The following LEKR1 variants were observed in gnomAD, a reference collection of about 807,000 sequenced individuals.
LEKR1 encodes leucine, glutamate and lysine rich 1, also known as protein LEKR1.
Under a neutral mutation model 72.4 loss-of-function variants are expected in LEKR1, and 59 were observed. The ratio of observed to expected loss-of-function variants is 0.82; its 90% CI spans 0.66 to 1.01. LEKR1 has a LOEUF of 1.01. Among genes scored for constraint, LEKR1 ranks in the 50% least tolerant of loss-of-function variants. The pLI, the probability that LEKR1 is intolerant of heterozygous loss-of-function variation, is 0.00. For synonymous variants in LEKR1, 257 were observed against 263.2 expected, an observed-to-expected ratio of 0.98 and a Z score of 0.23; for missense variants, 728 against 759.2, an observed-to-expected ratio of 0.96 and a Z score of 0.48.
In LEKR1 at chr3:156,852,809, C is replaced by T. The variant is rs1000084214; in HGVS notation, c.90C>T (p.Ser30=). The change falls in exon 3 of 13, where the codon AGC becomes AGT. Residue 30 remains serine, a synonymous_variant. Coordinates refer to ENST00000356539, the MANE Select transcript of LEKR1 (RefSeq NM_001004316.3). ...EEKVCKYCGV[S]YLILHEFKAM... ...AAGTTTGTAAGTACTGTGGAGTCAG[C>T]TATCTAATTCTTCATGAATTTAAGG... 2.0e-6 allele frequency: 3 copies of T among 1,534,526 alleles called. No homozygotes were observed. Among genetic ancestry groups the T allele is most frequent in the Non-Finnish European group, 2.6e-6 (3 of 1,145,450 alleles).
At chr3:156,899,269 C>CATGTATATATAT (rs1312063056) in intron 3 of LEKR1, among the ~76,000 whole-genome samples, 3 of 146,072 alleles carry the variant, frequency 2.1e-5, no homozygotes, top group Admixed American at 1.4e-4. Context: ...TATATATACA[C>CATGTATATATAT]ACATGTATAT....
chr3:156,987,836 T>C (rs1730831074), intron 7 of LEKR1, among the ~76,000 whole-genome samples: 1 of 152,156 alleles, frequency 6.6e-6, no homozygotes, highest in East Asian at 1.9e-4. Flanking sequence ...TTTTAATTAG[T>C]CTAGTAGGCC....
intron 5 of LEKR1, among the ~76,000 whole-genome samples, chr3:156,940,270 A>G (rs1201523665): frequency 6.6e-6 from 1 of 152,198 alleles, no homozygotes; most frequent in Non-Finnish European, 1.5e-5. Flanking sequence ...ACATGTATGC[A>G]TGTGTTCAGT....
At chr3:157,005,519 A>G (rs559733436) in intron 9 of LEKR1, among the ~76,000 whole-genome samples, 1 of 152,324 alleles carries the variant, frequency 6.6e-6, no homozygotes, top group African/African-American at 2.4e-5. Context: ...ACAGACCAAC[A>G]TTCCTAATGA....
chr3:156,835,210 C>T (rs1213109296), intron 2 of LEKR1, among the ~76,000 whole-genome samples: 1 of 152,182 alleles, frequency 6.6e-6, no homozygotes, highest in African/African-American at 2.4e-5. Flanking sequence ...GGATAGAGAA[C>T]TTATATTTTA....
intron 6 of LEKR1, among the ~76,000 whole-genome samples, chr3:156,956,801 AC>A (rs1727677261): frequency 6.6e-6 from 1 of 152,054 alleles, no homozygotes. Context: ...GTTAAAATCC[AC>A]ACCATGTAAA....
rs58950224 is a variant in LEKR1 at position 157,017,948 on chromosome 3, C to CAAAAAAAAAAAAAAA, written c.1203+6452_1203+6466dup. Reference sequence around the variant, plus strand: ...TGGGCCACAGAGCGAGACTCTGTCTCAAAAAAAAAAAAAAAAAAAAAAAAG... The same window carrying CAAAAAAAAAAAAAAA: ...TGGGCCACAGAGCGAGACTCTGTCTCAAAAAAAAAAAAAAAAAAAAAAAAAAAAAAAAAAAAAAAG... On this transcript the variant is annotated intron_variant, in intron 10 of 12. Transcript: ENST00000356539. Among the ~76,000 whole-genome samples, 60 of 82,950 alleles carry CAAAAAAAAAAAAAAA rather than the reference C, an allele frequency of 7.2e-4. 2 individuals carry two copies. The highest frequency in any genetic ancestry group is 3.8e-3 in the African/African-American group (53 of 13,790). 54.4% of individuals were successfully genotyped at this position (82,950 alleles called of 152,430 possible).
chr3:156,957,217 G>C lies in LEKR1; in HGVS notation c.745+14503G>C, dbSNP rs536852568. ...ATGCCAACATTTAGGACATTACGCA[G>C]ACTTTTAAAATGACAATATGACCAC... On this transcript the variant is annotated intron_variant, in intron 6 of 12. Coordinates refer to ENST00000356539, the MANE Select transcript of LEKR1 (RefSeq NM_001004316.3). Among the ~76,000 whole-genome samples, 23 of 152,056 alleles carry C rather than the reference G, an allele frequency of 1.5e-4. No homozygotes were observed. In the East Asian group the frequency reaches 3.9e-3, roughly 26 times the overall value.
At position 157,028,221 on chromosome 3, in the gene LEKR1, A is replaced by C. The variant is rs546912778; in HGVS notation, c.1487A>C (p.Glu496Ala). 3.1e-6 allele frequency: 5 copies of C among 1,613,328 alleles called. No homozygotes were observed. Among genetic ancestry groups the C allele is most frequent in the Non-Finnish European group, 4.2e-6 (5 of 1,179,472 alleles). ...YTEESNSKEK[E>A]IENLKNLVAE... is the part of the protein sequence containing the mutation. Reference sequence around the variant, plus strand: ...GAAGAATCTAATTCAAAGGAAAAAGAAATTGAAAATCTTAAAAATTTGGTT... The same window carrying C: ...GAAGAATCTAATTCAAAGGAAAAAGCAATTGAAAATCTTAAAAATTTGGTT... The change falls in exon 12 of 13, where the codon GAA becomes GCA. Residue 496 changes from glutamate to alanine, a missense_variant. Physicochemically the swap from Glu to Ala is moderately radical, Grantham distance 107. Transcript: ENST00000356539.
At chr3:156,846,921 T>A (rs1227519068) in intron 2 of LEKR1, among the ~76,000 whole-genome samples, 1 of 152,026 alleles carries the variant, frequency 6.6e-6, no homozygotes, top group Non-Finnish European at 1.5e-5. Flanking sequence ...CAAGCAACCC[T>A]CCCACCTCAG....
At chr3:156,943,730 C>T (rs1726438122) in intron 6 of LEKR1, among the ~76,000 whole-genome samples, 1 of 151,768 alleles carries the variant, frequency 6.6e-6, no homozygotes, top group Admixed American at 6.6e-5. Flanking sequence ...GGGCTCTGAA[C>T]CTCCTGTGTT....
intron 3 of LEKR1, among the ~76,000 whole-genome samples, chr3:156,907,140 A>C (rs1316508168): frequency 2.0e-5 from 3 of 152,056 alleles, no homozygotes; most frequent in South Asian, 4.1e-4. Flanking sequence ...CATTGTAAAT[A>C]ATCTAAATAA....
At chr3:157,006,326 A>G (rs552216785) in intron 9 of LEKR1, among the ~76,000 whole-genome samples, 2 of 152,352 alleles carry the variant, frequency 1.3e-5, no homozygotes, top group African/African-American at 4.8e-5. Flanking sequence ...TTTTTAGAAC[A>G]TGTAAAAACT....
chr3:156,866,977 G>A (rs1717383989), intron 3 of LEKR1, among the ~76,000 whole-genome samples: 1 of 152,018 alleles, frequency 6.6e-6, no homozygotes, highest in South Asian at 2.1e-4. Flanking sequence ...AGGGCTCTGA[G>A]TTACAGGTTT....
At chr3:156,968,712 A>G (rs550013285) in intron 6 of LEKR1, among the ~76,000 whole-genome samples, 51 of 152,330 alleles carry the variant, frequency 3.3e-4, no homozygotes, top group African/African-American at 1.2e-3. Flanking sequence ...AGACAGATCA[A>G]TGAGACAGAA....
intron 3 of LEKR1, among the ~76,000 whole-genome samples, chr3:156,913,047 G>A (rs1723268692): frequency 6.6e-6 from 1 of 152,056 alleles, no homozygotes; most frequent in Admixed American, 6.6e-5. Context: ...TTGGAAAAAA[G>A]TTAACAGTGT....
intron 3 of LEKR1, among the ~76,000 whole-genome samples, chr3:156,893,121 A>G (rs1210546543): frequency 6.6e-6 from 1 of 152,160 alleles, no homozygotes; most frequent in Non-Finnish European, 1.5e-5. Context: ...TGGAGAGTGT[A>G]TTTTGAAGAA....
At chr3:156,981,416 G>A (rs1180020295) in intron 7 of LEKR1, among the ~76,000 whole-genome samples, 2 of 152,192 alleles carry the variant, frequency 1.3e-5, no homozygotes, top group Non-Finnish European at 2.9e-5. Flanking sequence ...TTATCTGTAG[G>A]AAGTTACTGT....
chr3:156,939,463 C>T (rs923896343), intron 5 of LEKR1, among the ~76,000 whole-genome samples: 1 of 152,030 alleles, frequency 6.6e-6, no homozygotes, highest in African/African-American at 2.4e-5. Context: ...TTTCAGAAGC[C>T]CTAGCAAATT....
Sources: allele counts gnomAD v4.1 joint callset (sites outside exome capture counted in the v4.1 genomes callset), GRCh38; gene constraint gnomAD v4.1.1; transcripts MANE v1.5; gene names NCBI Gene and HGNC (gene_info 2026-07-23, HGNC 2026-07-21).